The following FADD variants were observed in gnomAD, a reference collection of about 807,000 sequenced individuals.
FADD encodes FAS-associated death domain protein.
FADD carries 3 observed loss-of-function variants against 5.8 expected under a neutral mutation model. That is an observed-to-expected ratio of 0.52 (90% CI 0.24 to 1.34). The LOEUF is 1.34. FADD is among the 40% of genes most tolerant of loss of function. The probability of loss-of-function intolerance (pLI) is 0.17; values close to 1 mark genes in which losing one functional copy is unlikely to be tolerated. For missense variants in FADD, 249 were observed against 286.7 expected (o/e 0.87, Z 0.95); for synonymous variants, 138 against 130.8 (o/e 1.06, Z -0.38).
Position 70,207,231 on chromosome 11 carries a change from C to T in FADD, c.*758C>T, listed in dbSNP as rs1590967620. ...ATCTTCCTTGTGAGGATTATGGGTC[C>T]TGCAATTCTACAGTTTCTTACTGTT... On this transcript the variant is annotated 3_prime_UTR_variant, in exon 2 of 2. Transcript: ENST00000301838. 1 of 152,336 alleles carries T rather than the reference C, an allele frequency of 6.6e-6. No individual in the cohort carries two copies. The highest frequency in any genetic ancestry group is 6.6e-5 in the Admixed American group (1 of 15,252). 9.4% of individuals were successfully genotyped at this position (152,336 alleles called of 1,614,324 possible).
rs1262587096 is a variant in FADD at position 70,206,139 on chromosome 11, G to A, written c.293G>A (p.Cys98Tyr). ...TCTGTTCTTTCCTTCCCAGACCTGT[G>A]TGCAGCATTTAACGTCATATGTGAT... ...AGAAPGEEDLCAAFNVICDNV... is the reference protein window; with the variant it reads ...AGAAPGEEDLYAAFNVICDNV... Residue 98 changes from cysteine to tyrosine, a missense_variant, in exon 2 of 2, where the codon TGT becomes TAT. By Grantham distance (194) the Cys-to-Tyr change is radical. Coordinates refer to ENST00000301838, the MANE Select transcript of FADD (RefSeq NM_003824.4). 1.9e-6 allele frequency: 3 copies of A among 1,613,686 alleles called. No homozygotes were observed. The highest frequency in any genetic ancestry group is 1.1e-5 in the South Asian group (1 of 91,028).
At chr11:70,205,992 G>A (rs558264674) in intron 1 of FADD, 141 bp from the exon 2 acceptor site, 8 of 753,302 alleles carry the variant, frequency 1.1e-5, no homozygotes, top group Middle Eastern at 3.0e-4. Flanking sequence ...GCTGCCAGGC[G>A]ACTCTAGCCT....
chr11:70,206,099 C>G, intron 1 of FADD, 34 bp from the exon 2 acceptor site: 2 of 1,582,504 alleles, frequency 1.3e-6, no homozygotes, highest in East Asian at 2.2e-5. Flanking sequence ...TGTCTCCAAA[C>G]CTATGGTAAA....
chr11:70,206,786 A>G lies in FADD; in HGVS notation c.*313A>G, dbSNP rs1590967376. 3 of 403,222 alleles carry G rather than the reference A, an allele frequency of 7.4e-6. No homozygotes were observed. The East Asian group carries it at 1.7e-4, about 23-fold the overall frequency. 25.0% of individuals were successfully genotyped at this position (403,222 alleles called of 1,614,324 possible). On this transcript the variant is annotated 3_prime_UTR_variant, in exon 2 of 2. Coordinates refer to ENST00000301838, the MANE Select transcript of FADD (RefSeq NM_003824.4). ...TCCAGCACAGAAGGAATCTGTGCAG[A>G]TGAGCAGTCACACTGTTACTCCACA...
rs2049457869 is a variant in FADD at position 70,206,185 on chromosome 11, A to G, written c.339A>G (p.Arg113=). 1.2e-6 allele frequency: 2 copies of G among 1,614,204 alleles called. No homozygotes were observed. Among genetic ancestry groups the G allele is most frequent in the Non-Finnish European group, 1.7e-6 (2 of 1,180,036 alleles). ...GTGATAATGTGGGGAAAGATTGGAG[A>G]AGGCTGGCTCGTCAGCTCAAAGTCT... ...VICDNVGKDW[R]RLARQLKVSD... is the part of the protein sequence containing the mutation. Residue 113 remains arginine, a synonymous_variant, in exon 2 of 2, where the codon AGA becomes AGG. Transcript: ENST00000301838.
intron 1 of FADD, 76 bp from the exon 2 acceptor site, chr11:70,206,057 T>A: frequency 7.6e-7 from 1 of 1,310,802 alleles, no homozygotes; most frequent in Non-Finnish European, 1.1e-6. Context: ...GCGTCTGTGC[T>A]GAAAAGCCCT....
At position 70,203,381 on chromosome 11, in the gene FADD, C is replaced by A; in HGVS notation, c.-79C>A. On this transcript the variant is annotated 5_prime_UTR_variant, in exon 1 of 2. Coordinates refer to ENST00000301838, the MANE Select transcript of FADD (RefSeq NM_003824.4). Reference sequence around the variant, plus strand: ...TTGGGCCGCTGGGCAAGCGGCGAGACCTGGCCAGGGCCAGCGAGCCGAGGA... The same window carrying A: ...TTGGGCCGCTGGGCAAGCGGCGAGAACTGGCCAGGGCCAGCGAGCCGAGGA... 1 of 1,538,984 alleles carries A rather than the reference C, an allele frequency of 6.5e-7. No individual in the cohort carries two copies. Among genetic ancestry groups the A allele is most frequent in the East Asian group, 2.5e-5 (1 of 40,546 alleles).
chr11:70,206,582 G>T lies in FADD; in HGVS notation c.*109G>T, dbSNP rs962381428. ...TGAAGACCCAGCAGGAAGCCAGGCTGAGTGAGCCACAGACCACCTGCTTCT... is the reference window on the plus strand; with the variant it reads ...TGAAGACCCAGCAGGAAGCCAGGCTTAGTGAGCCACAGACCACCTGCTTCT... On this transcript the variant is annotated 3_prime_UTR_variant, in exon 2 of 2. Coordinates refer to ENST00000301838, the MANE Select transcript of FADD (RefSeq NM_003824.4). 4 of 1,022,882 alleles carry T rather than the reference G, an allele frequency of 3.9e-6. No homozygotes were observed. Among genetic ancestry groups the T allele is most frequent in the Non-Finnish European group, 5.9e-6 (4 of 678,410 alleles). The allele number at this position is 1,022,882 out of a possible 1,614,324, so 63.4% of individuals were successfully genotyped here.
chr11:70,204,782 A>G (rs531776556), intron 1 of FADD, among the ~76,000 whole-genome samples: 4 of 152,328 alleles, frequency 2.6e-5, no homozygotes, highest in African/African-American at 9.6e-5. Context: ...TAATGTCTGG[A>G]AAAACACTGA....
Position 70,207,275 on chromosome 11 carries a change from C to G in FADD, c.*802C>G, listed in dbSNP as rs2049470223. ...TACTGTTTTGTATCAAAATCACTAT[C>G]TTTCTGATAACAGAATTGCCAAGGC... On this transcript the variant is annotated 3_prime_UTR_variant, in exon 2 of 2. Transcript: ENST00000301838. 1 of 152,158 alleles carries G rather than the reference C, an allele frequency of 6.6e-6. No homozygotes were observed. Among genetic ancestry groups the G allele is most frequent in the Non-Finnish European group, 1.5e-5 (1 of 68,038 alleles). 9.4% of individuals were successfully genotyped at this position (152,158 alleles called of 1,614,324 possible). A position where few individuals can be genotyped will look rare whatever the true frequency, so the allele number is the denominator to read the frequency against.
Position 70,203,665 on chromosome 11 carries a change from C to T in FADD, c.206C>T (p.Ser69Phe). The change falls in exon 1 of 2, where the codon TCC becomes TTC. Residue 69 changes from serine (S) to phenylalanine (F), a missense_variant. Ser to Phe is a radical substitution (Grantham distance 155). Coordinates refer to ENST00000301838, the MANE Select transcript of FADD (RefSeq NM_003824.4). Reference protein sequence around the residue: ...HTELLRELLASLRRHDLLRRV... With the variant: ...HTELLRELLAFLRRHDLLRRV... ...GAGCTCCTGCGCGAGCTGCTCGCCT[C>T]CCTGCGGCGCCACGACCTGCTGCGG... 1 of 1,548,780 alleles carries T rather than the reference C, an allele frequency of 6.5e-7. No individual in the cohort carries two copies. Among genetic ancestry groups the T allele is most frequent in the East Asian group, 2.6e-5 (1 of 38,220 alleles).
intron 1 of FADD, 80 bp downstream of exon 1, chr11:70,203,825 C>A: frequency 6.4e-6 from 4 of 620,866 alleles, no homozygotes; most frequent in Non-Finnish European, 9.7e-6. Context: ...GGTTGGCCTC[C>A]AGGCGCCTCC....
At chr11:70,204,493 G>C (rs2049444977) in intron 1 of FADD, among the ~76,000 whole-genome samples, 1 of 152,204 alleles carries the variant, frequency 6.6e-6, no homozygotes, top group African/African-American at 2.4e-5. Flanking sequence ...GAGTTTCTCA[G>C]CCCTACCCCC....
At chr11:70,205,856 C>T (rs41268237) in intron 1 of FADD, among the ~76,000 whole-genome samples, 2,049 of 152,286 alleles carry the variant, frequency 0.013, 19 homozygotes, top group Non-Finnish European at 0.021. Context: ...AAGTAGGTAG[C>T]TCCACTACAA....
At chr11:70,205,130 G>A (rs1025323177) in intron 1 of FADD, among the ~76,000 whole-genome samples, 7 of 151,302 alleles carry the variant, frequency 4.6e-5, no homozygotes, top group African/African-American at 1.4e-4. Context: ...AGCCCACAGG[G>A]CTGTCAGAGC....
At chr11:70,206,009 A>C in intron 1 of FADD, 124 bp from the exon 2 acceptor site, 1 of 827,412 alleles carries the variant, frequency 1.2e-6, no homozygotes, top group Admixed American at 2.0e-5. Context: ...GCCTCTACAG[A>C]GGACCTCGTG....
At position 70,206,758 on chromosome 11, in the gene FADD, G is replaced by A. The variant is rs1242583013; in HGVS notation, c.*285G>A. The A allele has an allele frequency of 8.7e-6, 4 of 462,318 alleles. No homozygotes were observed. Among genetic ancestry groups the A allele is most frequent in the Non-Finnish European group, 1.6e-5 (4 of 249,564 alleles). The allele number at this position is 462,318 out of a possible 1,614,324, so 28.6% of individuals were successfully genotyped here. ...CGGGAGTAGTTGGAAAGTTGGAACCGTGTCCAGCACAGAAGGAATCTGTGC... is the reference window on the plus strand; with the variant it reads ...CGGGAGTAGTTGGAAAGTTGGAACCATGTCCAGCACAGAAGGAATCTGTGC... On this transcript the variant is annotated 3_prime_UTR_variant, in exon 2 of 2. Transcript: ENST00000301838.
rs776329302 is a variant in FADD at position 70,203,660 on chromosome 11, C to T, written c.201C>T (p.Leu67=). Residue 67 remains leucine, a synonymous_variant, in exon 1 of 2, where the codon CTC becomes CTT. Coordinates refer to ENST00000301838, the MANE Select transcript of FADD (RefSeq NM_003824.4). ...ACACCGAGCTCCTGCGCGAGCTGCT[C>T]GCCTCCCTGCGGCGCCACGACCTGC... ...PGHTELLREL[L]ASLRRHDLLR... 7.7e-6 allele frequency: 12 copies of T among 1,554,872 alleles called. No individual in the cohort carries two copies. Among genetic ancestry groups the T allele is most frequent in the Admixed American group, 1.9e-5 (1 of 51,434 alleles).
At chr11:70,204,239 A>T (rs761035262) in intron 1 of FADD, among the ~76,000 whole-genome samples, 2 of 152,172 alleles carry the variant, frequency 1.3e-5, no homozygotes, top group Non-Finnish European at 2.9e-5. Flanking sequence ...TTCCCATTTT[A>T]CAGAGGACAG....
Sources: gnomAD v4.1 joint callset for allele counts (sites outside exome capture counted in the v4.1 genomes callset) on GRCh38, gnomAD v4.1.1 for gene constraint, MANE v1.5 for transcripts, NCBI Gene and HGNC (gene_info 2026-07-23, HGNC 2026-07-21) for gene names.